Variants in PKHD1 observed in about 807,000 individuals in gnomAD.
PKHD1 encodes fibrocystin.
PKHD1 carries 291 observed loss-of-function variants against 412.0 expected under a neutral mutation model. That is an observed-to-expected ratio of 0.71 (90% CI 0.64 to 0.78). The LOEUF (loss-of-function observed/expected upper bound fraction) is 0.78, where lower values mean the gene tolerates loss of function less well. Among genes scored for constraint, PKHD1 ranks in the 30% least tolerant of loss-of-function variants. PKHD1 has a pLI of 0.00. For synonymous variants in PKHD1, 1,777 were observed against 1,821.5 expected (o/e 0.98, Z 0.62); for missense variants, 4,825 against 4,950.7 (o/e 0.97, Z 0.76).
chr6:52,017,710 T>C, intron 33 of PKHD1, 81 bp from the exon 34 acceptor site: 1 of 1,016,852 alleles, frequency 9.8e-7, no homozygotes, highest in Non-Finnish European at 1.6e-6. Flanking sequence ...GAAGTTCCTG[T>C]GTCCTCCTTT....
intron 55 of PKHD1, among the ~76,000 whole-genome samples, chr6:51,763,485 C>T (rs1486763162): frequency 2.0e-5 from 3 of 152,132 alleles, no homozygotes; most frequent in Admixed American, 1.3e-4. Context: ...CAAATTCCAG[C>T]TTGCTAACCT....
intron 60 of PKHD1, among the ~76,000 whole-genome samples, chr6:51,696,399 A>C (rs1250859440): frequency 6.6e-6 from 1 of 152,160 alleles, no homozygotes; most frequent in Non-Finnish European, 1.5e-5. Context: ...AGCAAGGTTC[A>C]CGAGAGCCAT....
At chr6:52,062,742 G>T in intron 13 of PKHD1, 82 bp from the exon 14 acceptor site, 1 of 1,553,252 alleles carries the variant, frequency 6.4e-7, no homozygotes. Context: ...ATTACAAGGT[G>T]AAAGATGACC....
At chr6:51,739,866 T>C (rs1038154256) in intron 60 of PKHD1, 1 of 352,658 alleles carries the variant, frequency 2.8e-6, no homozygotes, top group Admixed American at 2.8e-5. Flanking sequence ...CTCCTGACAC[T>C]GCTGGTGCCC....
chr6:51,797,485 G>A (rs533860969), intron 52 of PKHD1, among the ~76,000 whole-genome samples: 3 of 152,252 alleles, frequency 2.0e-5, no homozygotes, highest in Middle Eastern at 3.4e-3. Flanking sequence ...GGGTGCTACA[G>A]TATTGGGTGC....
At chr6:51,955,336 T>C (rs1176880359) in intron 36 of PKHD1, among the ~76,000 whole-genome samples, 1 of 152,040 alleles carries the variant, frequency 6.6e-6, no homozygotes, top group Non-Finnish European at 1.5e-5. Flanking sequence ...CACAAAAGAA[T>C]CTGCTACTTT....
chr6:51,747,221 T>C (rs2150977243), intron 58 of PKHD1, among the ~76,000 whole-genome samples: 1 of 152,278 alleles, frequency 6.6e-6, no homozygotes, highest in East Asian at 1.9e-4. Flanking sequence ...GAGACTACAA[T>C]GGTGGTACAA....
chr6:51,689,950 A>G (rs926032737), intron 60 of PKHD1, among the ~76,000 whole-genome samples: 2 of 152,196 alleles, frequency 1.3e-5, no homozygotes, highest in Admixed American at 1.3e-4. Flanking sequence ...TGCTATTCCT[A>G]TAAACTACCA....
intron 57 of PKHD1, among the ~76,000 whole-genome samples, chr6:51,751,046 G>C (rs371537744): frequency 3.3e-5 from 5 of 152,134 alleles, no homozygotes; most frequent in East Asian, 1.9e-4. Context: ...CAAAGTGCTA[G>C]GATTAAAGGC....
intron 52 of PKHD1, among the ~76,000 whole-genome samples, chr6:51,813,680 C>T (rs2151412640): frequency 6.6e-6 from 1 of 152,062 alleles, no homozygotes; most frequent in Non-Finnish European, 1.5e-5. Flanking sequence ...CTTATTAACG[C>T]AATATGATTT....
chr6:51,980,460 G>A (rs570836540), intron 35 of PKHD1, among the ~76,000 whole-genome samples: 1 of 152,268 alleles, frequency 6.6e-6, no homozygotes, highest in Middle Eastern at 3.4e-3. Flanking sequence ...TGTTGTTCAT[G>A]TATCAATTAA....
intron 60 of PKHD1, among the ~76,000 whole-genome samples, chr6:51,708,270 C>A (rs1469827378): frequency 1.3e-5 from 2 of 152,132 alleles, no homozygotes; most frequent in Non-Finnish European, 2.9e-5. Context: ...ATCAAGAAGT[C>A]CAGCTAATTT....
At position 52,058,609 on chromosome 6, in the gene PKHD1, C is replaced by A; in HGVS notation, c.1234-8G>T. On this transcript the variant is annotated splice_region_variant and splice_polypyrimidine_tract_variant and intron_variant, in intron 15 of 66. Transcript: ENST00000371117. Reference sequence around the variant, plus strand: ...GATGGAGGCCACTTTCACCTATGCCCAAATAAGCATATCATGATCAATACT... The same window carrying A: ...GATGGAGGCCACTTTCACCTATGCCAAAATAAGCATATCATGATCAATACT... 1 of 1,613,526 alleles carries A rather than the reference C, an allele frequency of 6.2e-7. No homozygotes were observed. Among genetic ancestry groups the A allele is most frequent in the South Asian group, 1.1e-5 (1 of 91,078 alleles).
intron 66 of PKHD1, among the ~76,000 whole-genome samples, chr6:51,623,991 T>G (rs17667402): frequency 0.03 from 4,595 of 152,334 alleles, 88 homozygotes; most frequent in African/African-American, 0.049. Context: ...TGAATTCCTC[T>G]AATATTCCAT....
At chr6:51,926,281 G>C (rs901599073) in intron 37 of PKHD1, among the ~76,000 whole-genome samples, 1 of 152,180 alleles carries the variant, frequency 6.6e-6, no homozygotes, top group Non-Finnish European at 1.5e-5. Context: ...GGGGAAAGCA[G>C]AACCAAGAGT....
At chr6:52,085,146 C>T (rs1228647631) in intron 1 of PKHD1, 129 bp from the exon 2 acceptor site, 1 of 533,432 alleles carries the variant, frequency 1.9e-6, no homozygotes, top group Non-Finnish European at 3.4e-6. Context: ...ATGGAGCCAC[C>T]ATTTTTCCAA....
At chr6:51,872,885 T>C in intron 46 of PKHD1, among the ~76,000 whole-genome samples, 1 of 117,864 alleles carries the variant, frequency 8.5e-6, no homozygotes, top group Admixed American at 9.9e-5. Context: ...CTTTTTTTTT[T>C]TTTTTTTTTT....
At position 52,055,643 on chromosome 6, in the gene PKHD1, G is replaced by T; in HGVS notation, c.1780C>A (p.Leu594Ile). ...TGGGCAGCCGGGGGAGTAAGGACAAGGTGTCGAGGCTGACGGAGGCTGAAC... is the reference window on the plus strand; with the variant it reads ...TGGGCAGCCGGGGGAGTAAGGACAATGTGTCGAGGCTGACGGAGGCTGAAC... ...GRFSLRQPRH[L>I]VLTPPAAQKG... Residue 594 changes from leucine to isoleucine, a missense_variant, in exon 19 of 67, where the codon CTT (leucine) becomes ATT (isoleucine). Leu to Ile is a conservative substitution (Grantham distance 5). Transcript: ENST00000371117. 6.2e-7 allele frequency: 1 copy of T among 1,613,972 alleles called. No homozygotes were observed. The highest frequency in any genetic ancestry group is 8.5e-7 in the Non-Finnish European group (1 of 1,179,884).
At chr6:51,894,089 T>C (rs1427894336) in intron 43 of PKHD1, among the ~76,000 whole-genome samples, 1 of 152,180 alleles carries the variant, frequency 6.6e-6, no homozygotes, top group Non-Finnish European at 1.5e-5. Context: ...ACAGGTTATG[T>C]CTTCTGGAAA....
Sources: allele counts gnomAD v4.1 joint callset (sites outside exome capture counted in the v4.1 genomes callset), GRCh38; gene constraint gnomAD v4.1.1; transcripts MANE v1.5; gene names NCBI Gene and HGNC (gene_info 2026-07-23, HGNC 2026-07-21).